ERI1: variants seen among roughly 807,000 people sequenced by gnomAD.
ERI1 encodes the protein exoribonuclease 1.
Under a neutral mutation model 39.7 loss-of-function variants are expected in ERI1, and 39 were observed. The ratio of observed to expected loss-of-function variants is 0.98; its 90% CI spans 0.76 to 1.28. The LOEUF is 1.28. ERI1 is among the 50% of genes most tolerant of loss of function. ERI1 has a pLI of 0.00. For synonymous variants in ERI1, 204 were observed against 149.6 expected (o/e 1.36, Z -2.65); for missense variants, 581 against 416.9 (o/e 1.39, Z -3.43).
chr8:9,012,406 C>T (rs1008355170), intron 3 of ERI1, among the ~76,000 whole-genome samples: 4 of 152,190 alleles, frequency 2.6e-5, no homozygotes. Context: ...CAAGAATATC[C>T]TAACATCTCA....
chr8:9,029,838 G>T lies in ERI1; in HGVS notation c.854G>T (p.Gly285Val), dbSNP rs145840086. Residue 285 changes from glycine to valine, a missense_variant, in exon 7 of 7, where the codon GGA becomes GTA. Physicochemically the swap from Gly to Val is moderately radical, Grantham distance 109 (BLOSUM62 -3). Transcript: ENST00000250263. ...TKLTIMLEKL[G>V]MDYDGRPHCG... Reference sequence around the variant, plus strand: ...CTGACAATAATGCTTGAAAAATTAGGAATGGATTATGATGGGCGGCCTCAC... The same window carrying T: ...CTGACAATAATGCTTGAAAAATTAGTAATGGATTATGATGGGCGGCCTCAC... The T allele has an allele frequency of 6.2e-7, 1 of 1,614,178 alleles. No individual in the cohort carries two copies. The highest frequency in any genetic ancestry group is 8.5e-7 in the Non-Finnish European group (1 of 1,180,038).
chr8:9,011,799 C>G (rs1418813555), intron 3 of ERI1, 47 bp downstream of exon 3: 6 of 1,379,042 alleles, frequency 4.4e-6, no homozygotes, highest in East Asian at 2.4e-5. Flanking sequence ...AGCAACTATT[C>G]TGGTGTTTAC....
chr8:9,088,563 A>T (rs1045517950), intron 3 of ERI1: 5 of 152,160 alleles, frequency 3.3e-5, no homozygotes, highest in Non-Finnish European at 7.3e-5. Flanking sequence ...CTGCTGGGAG[A>T]TTAACAGTGA....
At chr8:9,008,607 A>T (rs969716892) in intron 2 of ERI1, among the ~76,000 whole-genome samples, 1 of 152,224 alleles carries the variant, frequency 6.6e-6, no homozygotes, top group Non-Finnish European at 1.5e-5. Flanking sequence ...ATCTACAATG[A>T]TCGTTTGCAT....
intron 1 of ERI1, 65 bp from the exon 2 acceptor site, chr8:9,007,905 G>T (rs1405659338): frequency 4.3e-5 from 65 of 1,501,840 alleles, no homozygotes; most frequent in Admixed American, 7.4e-5. Flanking sequence ...CTTTAAATCT[G>T]TGATGTTTGT....
At position 9,033,003 on chromosome 8, in the gene ERI1, A is replaced by C. The variant is rs1044430055; in HGVS notation, c.*2969A>C. On this transcript the variant is annotated 3_prime_UTR_variant, in exon 7 of 7. Transcript: ENST00000250263. ...ATCTTTGATTCCAGCGACATATGAT[A>C]AAATGTTTTGCACATAGTTGAATCC... 7 of 152,246 alleles carry C rather than the reference A, an allele frequency of 4.6e-5. No homozygotes were observed. The highest frequency in any genetic ancestry group is 1.7e-4 in the African/African-American group (7 of 41,456). 9.4% of individuals were successfully genotyped at this position (152,246 alleles called of 1,614,324 possible).
At chr8:9,012,959 A>G (rs780578748) in intron 3 of ERI1, among the ~76,000 whole-genome samples, 5 of 152,072 alleles carry the variant, frequency 3.3e-5, no homozygotes, top group Non-Finnish European at 7.4e-5. Context: ...ATTCCACTAA[A>G]ATCACTCATC....
intron 3 of ERI1, among the ~76,000 whole-genome samples, chr8:9,074,925 C>A (rs528960642): frequency 6.6e-6 from 1 of 152,272 alleles, no homozygotes; most frequent in South Asian, 2.1e-4. Context: ...GTCACAAGAG[C>A]AAGCCTGCCC....
At chr8:9,096,002 AC>A (rs1348662401) in intron 3 of ERI1, among the ~76,000 whole-genome samples, 1 of 152,188 alleles carries the variant, frequency 6.6e-6, no homozygotes, top group African/African-American at 2.4e-5. Context: ...TCATAGGCTG[AC>A]CTGAGGATCA....
intron 3 of ERI1, among the ~76,000 whole-genome samples, chr8:9,050,399 T>A (rs1798319138): frequency 6.6e-6 from 1 of 151,542 alleles, no homozygotes; most frequent in Non-Finnish European, 1.5e-5. Flanking sequence ...TCCAGCTACT[T>A]GGGAGGTTGA....
intron 3 of ERI1, among the ~76,000 whole-genome samples, chr8:9,067,653 TAA>T (rs573247378): frequency 5.0e-5 from 6 of 121,154 alleles, no homozygotes; most frequent in African/African-American, 1.4e-4. Flanking sequence ...AGAACCTTTC[TAA>T]AAAAAAAAAA....
intron 2 of ERI1, among the ~76,000 whole-genome samples, chr8:9,010,382 G>T (rs1377174324): frequency 6.6e-6 from 1 of 152,250 alleles, no homozygotes; most frequent in East Asian, 1.9e-4. Flanking sequence ...CACTCACAGT[G>T]CCTTAATATG....
chr8:9,030,104 T>C lies in ERI1; in HGVS notation c.*70T>C. The stretch of plus-strand genomic sequence containing the variant: ...GAGGTAGCAGATGAATCTCATTGAA[T>C]TAGTCCTGTAGTGCAAACTTTAAGC... On this transcript the variant is annotated 3_prime_UTR_variant, in exon 7 of 7. Coordinates refer to ENST00000250263, the MANE Select transcript of ERI1 (RefSeq NM_153332.4). 2 of 1,585,886 alleles carry C rather than the reference T, an allele frequency of 1.3e-6. No homozygotes were observed. Among genetic ancestry groups the C allele is most frequent in the Non-Finnish European group, 8.6e-7 (1 of 1,160,512 alleles).
At chr8:9,099,142 G>A (rs1799971534) in intron 3 of ERI1, among the ~76,000 whole-genome samples, 1 of 151,884 alleles carries the variant, frequency 6.6e-6, no homozygotes, top group African/African-American at 2.4e-5. Context: ...GCCACAATTT[G>A]GTAAGTTTTA....
intron 3 of ERI1, among the ~76,000 whole-genome samples, chr8:9,013,476 C>T (rs1158690441): frequency 6.6e-6 from 1 of 151,992 alleles, no homozygotes; most frequent in Non-Finnish European, 1.5e-5. Context: ...TCCTCCTTTC[C>T]TTCCCAGCTT....
At chr8:9,020,593 C>T (rs916094547) in intron 6 of ERI1, 129 bp downstream of exon 6, 9 of 586,576 alleles carry the variant, frequency 1.5e-5, no homozygotes, top group African/African-American at 1.3e-4. Flanking sequence ...TCTTACTCTT[C>T]AGATTCCAAA....
At chr8:9,079,830 C>A (rs1799316924) in intron 3 of ERI1, among the ~76,000 whole-genome samples, 1 of 152,008 alleles carries the variant, frequency 6.6e-6, no homozygotes, top group African/African-American at 2.4e-5. Context: ...ACCACCAGGC[C>A]TGGGTAATTT....
intron 6 of ERI1, among the ~76,000 whole-genome samples, chr8:9,026,684 C>T (rs1797187286): frequency 6.6e-6 from 1 of 152,098 alleles, no homozygotes; most frequent in Admixed American, 6.5e-5. Flanking sequence ...TGACATTGTA[C>T]TCAAAAGAAA....
At chr8:9,020,523 C>A in intron 6 of ERI1, 59 bp downstream of exon 6, 1 of 1,071,584 alleles carries the variant, frequency 9.3e-7, no homozygotes, top group Non-Finnish European at 1.4e-6. Flanking sequence ...TTAAAATTTG[C>A]ATGTACGTTA....
Sources: allele counts gnomAD v4.1 joint callset (sites outside exome capture counted in the v4.1 genomes callset), GRCh38; gene constraint gnomAD v4.1.1; transcripts MANE v1.5; gene names NCBI Gene and HGNC (gene_info 2026-07-23, HGNC 2026-07-21).